Variants in ATXN1 observed in about 807,000 individuals in gnomAD.
ATXN1 encodes the protein ataxin-1.
ATXN1 carries 8 observed loss-of-function variants against 56.4 expected under a neutral mutation model. The observed-to-expected ratio is 0.14, with a 90% confidence interval of 0.08 to 0.26. The LOEUF is 0.26. Among genes scored for constraint, ATXN1 ranks in the 10% least tolerant of loss-of-function variants. The pLI, the probability that ATXN1 is intolerant of heterozygous loss-of-function variation, is 1.00. For synonymous variants in ATXN1, 514 were observed against 494.6 expected, an observed-to-expected ratio of 1.04 and a Z score of -0.52; for missense variants, 987 against 1,106.5, an observed-to-expected ratio of 0.89 and a Z score of 1.53.
At chr6:16,515,174 C>T (rs140002996) in intron 5 of ATXN1, among the ~76,000 whole-genome samples, 74 of 152,158 alleles carry the variant, frequency 4.9e-4, no homozygotes, top group African/African-American at 1.7e-3. Context: ...CTTTGTAACA[C>T]GCCCACAGTA....
chr6:16,320,227 C>T (rs184887033), intron 7 of ATXN1, among the ~76,000 whole-genome samples: 452 of 151,950 alleles, frequency 3.0e-3, no homozygotes, highest in African/African-American at 0.01. Context: ...AGAAGTCAAC[C>T]AAAAAATAGT....
chr6:16,394,000 A>G (rs952882127), intron 6 of ATXN1, among the ~76,000 whole-genome samples: 3 of 151,446 alleles, frequency 2.0e-5, no homozygotes, highest in Non-Finnish European at 2.9e-5. Flanking sequence ...GGTCTAAGAC[A>G]CTTCTTTAAG....
At chr6:16,359,482 C>T (rs1472839177) in intron 6 of ATXN1, among the ~76,000 whole-genome samples, 1 of 152,006 alleles carries the variant, frequency 6.6e-6, no homozygotes, top group African/African-American at 2.4e-5. Flanking sequence ...TAGCTGGAGA[C>T]GATGGGACAA....
At chr6:16,684,344 T>C (rs1056430286) in intron 2 of ATXN1, among the ~76,000 whole-genome samples, 1 of 152,086 alleles carries the variant, frequency 6.6e-6, no homozygotes, top group Non-Finnish European at 1.5e-5. Context: ...GAGTCGGAAG[T>C]GGTCTGAAGG....
chr6:16,676,613 G>C (rs890657534), intron 2 of ATXN1, among the ~76,000 whole-genome samples: 1 of 152,146 alleles, frequency 6.6e-6, no homozygotes, highest in Non-Finnish European at 1.5e-5. Flanking sequence ...AGTATGCCAC[G>C]ATTATGAAAG....
intron 4 of ATXN1, among the ~76,000 whole-genome samples, chr6:16,533,606 G>A (rs1410104192): frequency 6.6e-6 from 1 of 152,128 alleles, no homozygotes; most frequent in Non-Finnish European, 1.5e-5. Context: ...CATACCTGAT[G>A]GAGGGACATA....
intron 3 of ATXN1, among the ~76,000 whole-genome samples, chr6:16,655,632 A>T (rs1475369931): frequency 3.9e-5 from 6 of 152,302 alleles, no homozygotes. Context: ...GTCCCAGCAC[A>T]AGCTACGATT....
intron 3 of ATXN1, among the ~76,000 whole-genome samples, chr6:16,622,055 G>C (rs1397213163): frequency 6.6e-6 from 1 of 152,232 alleles, no homozygotes; most frequent in Non-Finnish European, 1.5e-5. Context: ...ATTATGATCA[G>C]TGAGCTTCTA....
intron 4 of ATXN1, among the ~76,000 whole-genome samples, chr6:16,540,439 T>C (rs914946483): frequency 6.6e-6 from 1 of 152,202 alleles, no homozygotes; most frequent in Non-Finnish European, 1.5e-5. Flanking sequence ...CTCGAACTCC[T>C]GACCTCAGGT....
At chr6:16,366,205 CAAT>C (rs1367407643) in intron 6 of ATXN1, among the ~76,000 whole-genome samples, 3 of 152,138 alleles carry the variant, frequency 2.0e-5, no homozygotes, top group African/African-American at 7.2e-5. Context: ...AAAACAACAA[CAAT>C]AATAACAGTT....
chr6:16,466,937 G>A (rs544329981), intron 6 of ATXN1, among the ~76,000 whole-genome samples: 2 of 152,088 alleles, frequency 1.3e-5, no homozygotes, highest in Non-Finnish European at 2.9e-5. Flanking sequence ...CGTCTTCCTC[G>A]CTGAGGGTAG....
intron 6 of ATXN1, among the ~76,000 whole-genome samples, chr6:16,393,426 A>T (rs1040662672): frequency 1.3e-5 from 2 of 151,846 alleles, no homozygotes; most frequent in African/African-American, 4.8e-5. Flanking sequence ...TGTAGAGAGG[A>T]GTTTTGCTTT....
chr6:16,321,936 A>G (rs1760663083), intron 7 of ATXN1, among the ~76,000 whole-genome samples: 1 of 152,232 alleles, frequency 6.6e-6, no homozygotes, highest in African/African-American at 2.4e-5. Flanking sequence ...GAAGAATCAT[A>G]CGTGGCCGGG....
At chr6:16,391,298 C>T (rs1182824634) in intron 6 of ATXN1, among the ~76,000 whole-genome samples, 1 of 151,090 alleles carries the variant, frequency 6.6e-6, no homozygotes, top group Non-Finnish European at 1.5e-5. Context: ...ACCTATAATG[C>T]AACAGCAGCA....
intron 6 of ATXN1, among the ~76,000 whole-genome samples, chr6:16,426,134 A>G (rs923514148): frequency 1.3e-5 from 2 of 152,120 alleles, no homozygotes; most frequent in South Asian, 2.1e-4. Context: ...CAGTTGGGGG[A>G]AAAAAATCTG....
At chr6:16,636,905 A>G (rs1763607820) in intron 3 of ATXN1, among the ~76,000 whole-genome samples, 1 of 152,216 alleles carries the variant, frequency 6.6e-6, no homozygotes, top group South Asian at 2.1e-4. Flanking sequence ...GTGGGCCTGC[A>G]AACTAGTTCA....
rs529978372 is a variant in ATXN1 at position 16,587,940 on chromosome 6, A to C, written c.-488-2033T>G. ...CAGCGGAACTCTGTCTAAAAAAAAA[A>C]AAAAAGAAAATTCCTACTCATTTTT... On this transcript the variant is annotated intron_variant, in intron 3 of 7. Coordinates refer to ENST00000436367, the MANE Select transcript of ATXN1 (RefSeq NM_001128164.2). 9.3e-4 allele frequency among the ~76,000 whole-genome samples: 141 copies of C among 152,152 alleles called. 1 individual carries two copies. Among genetic ancestry groups the C allele is most frequent in the African/African-American group, 3.3e-3 (137 of 41,504 alleles).
intron 3 of ATXN1, among the ~76,000 whole-genome samples, chr6:16,608,042 T>G (rs946280431): frequency 6.6e-6 from 1 of 152,194 alleles, no homozygotes; most frequent in Non-Finnish European, 1.5e-5. Context: ...TATAAACAGA[T>G]CTCCAGCTGA....
chr6:16,613,418 C>A (rs1203686668), intron 3 of ATXN1, among the ~76,000 whole-genome samples: 2 of 151,206 alleles, frequency 1.3e-5, no homozygotes, highest in African/African-American at 4.9e-5. Flanking sequence ...GCTAGCTAAT[C>A]TTAAGTTTCA....
Sources: gnomAD v4.1 joint callset for allele counts (sites outside exome capture counted in the v4.1 genomes callset) on GRCh38, gnomAD v4.1.1 for gene constraint, MANE v1.5 for transcripts, NCBI Gene and HGNC (gene_info 2026-07-23, HGNC 2026-07-21) for gene names.